HS6ST3: variants seen among roughly 807,000 people sequenced by gnomAD.
The protein encoded by HS6ST3 is heparan sulfate 6-O-sulfotransferase 3, also known as heparan-sulfate 6-O-sulfotransferase 3.
HS6ST3 carries 12 observed loss-of-function variants against 36.7 expected under a neutral mutation model. That is an observed-to-expected ratio of 0.33 (90% CI 0.21 to 0.53). The LOEUF (loss-of-function observed/expected upper bound fraction) is 0.53. Among genes scored for constraint, HS6ST3 ranks in the 20% least tolerant of loss-of-function variants. HS6ST3 has a pLI of 0.95. For missense variants in HS6ST3, 584 were observed against 640.9 expected (o/e 0.91, Z 0.96); for synonymous variants, 240 against 257.5 (o/e 0.93, Z 0.65).
chr13:96,398,897 AC>A (rs1176834756), intron 1 of HS6ST3, among the ~76,000 whole-genome samples: 1 of 152,222 alleles, frequency 6.6e-6, no homozygotes, highest in African/African-American at 2.4e-5. Flanking sequence ...ACATCCAGCA[AC>A]TAGACAGAGA....
At chr13:96,626,035 G>A (rs1205503462) in intron 1 of HS6ST3, among the ~76,000 whole-genome samples, 2 of 151,630 alleles carry the variant, frequency 1.3e-5, no homozygotes, top group South Asian at 4.2e-4. Context: ...GTAGAGACGA[G>A]GCTTCACCAT....
At chr13:96,410,085 A>C (rs1324970579) in intron 1 of HS6ST3, among the ~76,000 whole-genome samples, 1 of 152,206 alleles carries the variant, frequency 6.6e-6, no homozygotes, top group African/African-American at 2.4e-5. Flanking sequence ...TCTATATATA[A>C]AATCGTGAAA....
chr13:96,615,461 G>T (rs1020137638), intron 1 of HS6ST3, among the ~76,000 whole-genome samples: 2 of 152,162 alleles, frequency 1.3e-5, no homozygotes, highest in African/African-American at 2.4e-5. Flanking sequence ...GTCGATGGAT[G>T]GTGGGTCTTG....
intron 1 of HS6ST3, among the ~76,000 whole-genome samples, chr13:96,493,039 C>T (rs148349643): frequency 1.3e-5 from 2 of 152,196 alleles, no homozygotes; most frequent in African/African-American, 2.4e-5. Context: ...CTCAGAACCA[C>T]GCTTAGAAAA....
chr13:96,585,862 CTTAA>C (rs1405068188), intron 1 of HS6ST3, among the ~76,000 whole-genome samples: 1 of 152,170 alleles, frequency 6.6e-6, no homozygotes, highest in Non-Finnish European at 1.5e-5. Flanking sequence ...CTGATGGACA[CTTAA>C]TTGACTCCAT....
At chr13:96,542,547 C>T (rs908274434) in intron 1 of HS6ST3, among the ~76,000 whole-genome samples, 1 of 152,142 alleles carries the variant, frequency 6.6e-6, no homozygotes, top group African/African-American at 2.4e-5. Flanking sequence ...TCATATTACT[C>T]CTAATGCAAT....
At chr13:96,661,207 G>T (rs905825196) in intron 1 of HS6ST3, among the ~76,000 whole-genome samples, 3 of 152,026 alleles carry the variant, frequency 2.0e-5, no homozygotes, top group African/African-American at 7.2e-5. Context: ...TATCTGCCTC[G>T]AAGATCTACC....
intron 1 of HS6ST3, among the ~76,000 whole-genome samples, chr13:96,563,847 C>G (rs1369354364): frequency 6.6e-6 from 1 of 152,188 alleles, no homozygotes; most frequent in Non-Finnish European, 1.5e-5. Context: ...TTCTTACCCA[C>G]TTTCATCTTA....
intron 1 of HS6ST3, among the ~76,000 whole-genome samples, chr13:96,111,578 A>G (rs2053868416): frequency 6.6e-6 from 1 of 152,150 alleles, no homozygotes; most frequent in Non-Finnish European, 1.5e-5. Flanking sequence ...CTCTGGAAGG[A>G]ATTTTTTGCT....
chr13:96,466,986 T>C (rs2040897045), intron 1 of HS6ST3, among the ~76,000 whole-genome samples: 1 of 152,212 alleles, frequency 6.6e-6, no homozygotes, highest in African/African-American at 2.4e-5. Flanking sequence ...TTATATACAG[T>C]GTTACTGAAG....
intron 1 of HS6ST3, among the ~76,000 whole-genome samples, chr13:96,491,418 AT>A (rs1221251317): frequency 2.7e-5 from 4 of 149,188 alleles, no homozygotes; most frequent in African/African-American, 9.8e-5. Context: ...GGGGAAGAAA[AT>A]GATTTTCTTA....
At chr13:96,366,840 C>A (rs1222766281) in intron 1 of HS6ST3, among the ~76,000 whole-genome samples, 2 of 152,132 alleles carry the variant, frequency 1.3e-5, no homozygotes, top group Non-Finnish European at 2.9e-5. Context: ...ATCATGGGGG[C>A]AGTTTTCCCC....
chr13:96,819,774 C>T (rs1878494170), intron 1 of HS6ST3, among the ~76,000 whole-genome samples: 1 of 152,118 alleles, frequency 6.6e-6, no homozygotes, highest in East Asian at 1.9e-4. Flanking sequence ...TTGTATATGG[C>T]CAGGCACAGT....
intron 1 of HS6ST3, among the ~76,000 whole-genome samples, chr13:96,380,958 A>G (rs897903209): frequency 1.3e-5 from 2 of 152,380 alleles, no homozygotes; most frequent in Middle Eastern, 3.4e-3. Flanking sequence ...CAGAAGATAG[A>G]TGGAGGCATA....
At chr13:96,295,908 A>G (rs1445659344) in intron 1 of HS6ST3, among the ~76,000 whole-genome samples, 1 of 152,054 alleles carries the variant, frequency 6.6e-6, no homozygotes, top group Non-Finnish European at 1.5e-5. Context: ...TGGAGGGCCT[A>G]CTTTGCTTCG....
At chr13:96,115,365 C>A (rs1008100053) in intron 1 of HS6ST3, among the ~76,000 whole-genome samples, 2 of 152,150 alleles carry the variant, frequency 1.3e-5, no homozygotes, top group Non-Finnish European at 2.9e-5. Flanking sequence ...TGGTTTGCTG[C>A]ACCTATTGAC....
intron 1 of HS6ST3, among the ~76,000 whole-genome samples, chr13:96,302,492 A>G (rs2054888728): frequency 1.3e-5 from 2 of 152,140 alleles, no homozygotes; most frequent in Non-Finnish European, 2.9e-5. Flanking sequence ...CTCTTTATCT[A>G]TTGTTGAATA....
At chr13:96,675,473 G>A (rs1228212325) in intron 1 of HS6ST3, among the ~76,000 whole-genome samples, 1 of 152,046 alleles carries the variant, frequency 6.6e-6, no homozygotes, top group Non-Finnish European at 1.5e-5. Flanking sequence ...TCATTCAGAA[G>A]AAAGAGCATT....
chr13:96,671,644 A>G (rs1415902841), intron 1 of HS6ST3, among the ~76,000 whole-genome samples: 2 of 151,940 alleles, frequency 1.3e-5, no homozygotes, highest in African/African-American at 2.4e-5. Context: ...CCTCTCCTTG[A>G]CTTACAGATG....
Sources: gnomAD v4.1 joint callset for allele counts (sites outside exome capture counted in the v4.1 genomes callset) on GRCh38, gnomAD v4.1.1 for gene constraint, MANE v1.5 for transcripts, NCBI Gene and HGNC (gene_info 2026-07-23, HGNC 2026-07-21) for gene names.